Variants in PREX1 observed in about 807,000 individuals in gnomAD.
PREX1 encodes the protein phosphatidylinositol-3,4,5-trisphosphate dependent Rac exchange factor 1, also known as phosphatidylinositol 3,4,5-trisphosphate-dependent Rac exchanger 1 protein.
Under a neutral mutation model 198.3 loss-of-function variants are expected in PREX1, and 41 were observed. The ratio of observed to expected loss-of-function variants is 0.21; its 90% CI spans 0.16 to 0.27. PREX1 has a LOEUF of 0.27. Among genes scored for constraint, PREX1 ranks in the 10% least tolerant of loss-of-function variants. The pLI, the probability that PREX1 is intolerant of heterozygous loss-of-function variation, is 1.00. For synonymous variants in PREX1, 843 were observed against 887.2 expected (o/e 0.95, Z 0.89); for missense variants, 1,620 against 2,200.7 (o/e 0.74, Z 5.28).
chr20:48,707,921 G>A (rs2089910804), intron 6 of PREX1, among the ~76,000 whole-genome samples: 2 of 152,094 alleles, frequency 1.3e-5, no homozygotes, highest in Admixed American at 1.3e-4. Context: ...CCTTGACGTT[G>A]GCATCAACAG....
At chr20:48,819,434 C>T (rs2090473775) in intron 1 of PREX1, among the ~76,000 whole-genome samples, 1 of 152,184 alleles carries the variant, frequency 6.6e-6, no homozygotes, top group South Asian at 2.1e-4. Context: ...ATGTCATCTC[C>T]CTAGAAAAGC....
chr20:48,811,136 T>C (rs1393474976), intron 1 of PREX1, among the ~76,000 whole-genome samples: 3 of 152,190 alleles, frequency 2.0e-5, no homozygotes, highest in Non-Finnish European at 2.9e-5. Context: ...TAGGTTTTTG[T>C]ATGAAATGTC....
chr20:48,785,581 G>T (rs1388603191), intron 1 of PREX1, among the ~76,000 whole-genome samples: 1 of 152,198 alleles, frequency 6.6e-6, no homozygotes, highest in African/African-American at 2.4e-5. Context: ...GGCCAGCCAG[G>T]GCTGAGCTCA....
intron 3 of PREX1, among the ~76,000 whole-genome samples, chr20:48,736,029 C>A (rs944524773): frequency 3.9e-5 from 6 of 152,156 alleles, no homozygotes; most frequent in African/African-American, 1.4e-4. Context: ...CTTCTCCTCC[C>A]TAGGCCTTGG....
At chr20:48,808,470 C>G (rs1382164854) in intron 1 of PREX1, among the ~76,000 whole-genome samples, 1 of 152,216 alleles carries the variant, frequency 6.6e-6, no homozygotes, top group Non-Finnish European at 1.5e-5. Context: ...GGACTGCCAT[C>G]TAGCCACCTG....
At chr20:48,647,519 CAAAAAAAAAAAAA>C (rs765244255) in intron 25 of PREX1, among the ~76,000 whole-genome samples, 1 of 49,630 alleles carries the variant, frequency 2.0e-5, no homozygotes, top group South Asian at 7.2e-4. Context: ...GACAACATCT[CAAAAAAAAAAAAA>C]AAAAAAAAAG....
intron 4 of PREX1, 131 bp from the exon 5 acceptor site, chr20:48,726,522 G>T (rs6063312): frequency 0.16 from 104,876 of 658,532 alleles, 9,422 homozygotes; most frequent in Admixed American, 0.27. Context: ...ACCCGTAGAA[G>T]TGAAAACGTG....
intron 22 of PREX1, 38 bp downstream of exon 22, chr20:48,651,358 C>A: frequency 6.4e-7 from 1 of 1,552,316 alleles, no homozygotes; most frequent in Non-Finnish European, 8.7e-7. Context: ...GCTTCAATCC[C>A]CCAGGGTAGG....
Position 48,628,112 on chromosome 20 carries a change from C to T in PREX1, c.4767-149G>A, listed in dbSNP as rs117400450. 3.4e-3 allele frequency: 2,119 copies of T among 623,220 alleles called. 22 individuals carry two copies. Among genetic ancestry groups the T allele is most frequent in the East Asian group, 0.019 (663 of 35,140 alleles). 38.6% of individuals were successfully genotyped at this position (623,220 alleles called of 1,614,324 possible). A position where few individuals can be genotyped will look rare whatever the true frequency, so the allele number is the denominator to read the frequency against. On this transcript the variant is annotated intron_variant, in intron 37 of 39. Transcript: ENST00000371941. ...GACCCAATCCTGACCATCACGGCAA[C>T]GCCTCCTCCTGCCGTCCCTCCCCGC...
At chr20:48,849,095 C>CA in the PREX1 span, among the ~76,000 whole-genome samples, 19,584 of 131,010 alleles carry the variant, frequency 0.15, 1,494 homozygotes, top group Non-Finnish European at 0.19. Flanking sequence ...GACCCTGTCT[C>CA]AAAAAAAAAA....
intron 1 of PREX1, among the ~76,000 whole-genome samples, chr20:48,801,682 T>A (rs1281762127): frequency 6.6e-6 from 1 of 152,196 alleles, no homozygotes; most frequent in Non-Finnish European, 1.5e-5. Flanking sequence ...TCCCCACTTA[T>A]CTTTGTCCCC....
intron 3 of PREX1, among the ~76,000 whole-genome samples, chr20:48,742,111 G>A (rs1037545335): frequency 1.1e-4 from 16 of 152,064 alleles, no homozygotes; most frequent in African/African-American, 2.4e-4. Flanking sequence ...CCTTGTGCCC[G>A]GGCATCACAG....
At position 48,656,944 on chromosome 20, in the gene PREX1, C is replaced by T. The variant is rs534979858; in HGVS notation, c.2123+96G>A. 13 of 1,402,752 alleles carry T rather than the reference C, an allele frequency of 9.3e-6. No individual in the cohort carries two copies. In the African/African-American group the frequency reaches 1.6e-4, roughly 17 times the overall value. The allele number at this position is 1,402,752 out of a possible 1,614,324, so 86.9% of individuals were successfully genotyped here. A position where few individuals can be genotyped will look rare whatever the true frequency, so the allele number is the denominator to read the frequency against. ...GTGTGACTCCAACAATGGGTCCCAGCCACGGGGGACCAGGACAGTTCATGC... is the reference window on the plus strand; with the variant it reads ...GTGTGACTCCAACAATGGGTCCCAGTCACGGGGGACCAGGACAGTTCATGC... On this transcript the variant is annotated intron_variant, in intron 18 of 39. Transcript: ENST00000371941.
chr20:48,664,959 TCCAGACGGCCTGAATTCTAATCCCGCC>T (rs2089626021), intron 15 of PREX1, among the ~76,000 whole-genome samples: 2 of 127,782 alleles, frequency 1.6e-5, no homozygotes, highest in Admixed American at 1.7e-4. Context: ...TAATCCTGAC[TCCAGACGGCCTGAATTCTAATCCCGCC>T]CCAGACGGCC....
At chr20:48,641,904 AAG>A (rs2089415972) in intron 29 of PREX1, among the ~76,000 whole-genome samples, 1 of 101,174 alleles carries the variant, frequency 9.9e-6, no homozygotes, top group African/African-American at 3.4e-5. Flanking sequence ...GGAAGGAAGG[AAG>A]GAAAAGAAAC....
Position 48,691,277 on chromosome 20 carries a change from C to T in PREX1, c.1037-181G>A, listed in dbSNP as rs2089818017. Among the ~76,000 whole-genome samples, 1 of 152,192 alleles carries T rather than the reference C, an allele frequency of 6.6e-6. No homozygotes were observed. The highest frequency in any genetic ancestry group is 2.4e-5 in the African/African-American group (1 of 41,436). On this transcript the variant is annotated intron_variant, in intron 8 of 39. Transcript: ENST00000371941. This position sits in a 1 kb window ranked among gnomAD's most constrained non-coding sequence, Gnocchi z 5.0. ...TCCTTTTCCAGTGGGCAAGGAAGAC[C>T]TTCTGCAAACAAAGACCCCTCTCAA...
At chr20:48,802,821 C>G (rs1424270019) in intron 1 of PREX1, among the ~76,000 whole-genome samples, 1 of 152,214 alleles carries the variant, frequency 6.6e-6, no homozygotes, top group African/African-American at 2.4e-5. Context: ...GTGGGAATCC[C>G]CCATTCCCTT....
chr20:48,646,061 C>T lies in PREX1; in HGVS notation c.3306-4G>A, dbSNP rs781776601. ...CTCTGTGATGGTGGACAGCAGCCTACGGAAGCAAAGACCTTGAAGTCAAAG... is the reference window on the plus strand; with the variant it reads ...CTCTGTGATGGTGGACAGCAGCCTATGGAAGCAAAGACCTTGAAGTCAAAG... On this transcript the variant is annotated splice_region_variant and splice_polypyrimidine_tract_variant and intron_variant, in intron 25 of 39. Coordinates refer to ENST00000371941, the MANE Select transcript of PREX1 (RefSeq NM_020820.4). 18 of 1,612,712 alleles carry T rather than the reference C, an allele frequency of 1.1e-5. No individual in the cohort carries two copies. Among genetic ancestry groups the T allele is most frequent in the South Asian group, 8.8e-5 (8 of 91,072 alleles).
At chr20:48,881,200 T>C in the PREX1 span, among the ~76,000 whole-genome samples, 1 of 151,976 alleles carries the variant, frequency 6.6e-6, no homozygotes, top group Non-Finnish European at 1.5e-5. Flanking sequence ...GGGCCATGAG[T>C]TGATAATTGT....
Sources: allele counts gnomAD v4.1 joint callset (sites outside exome capture counted in the v4.1 genomes callset), GRCh38; gene constraint gnomAD v4.1.1; non-coding constraint Gnocchi (gnomAD v3.1); transcripts MANE v1.5; gene names NCBI Gene and HGNC (gene_info 2026-07-23, HGNC 2026-07-21).